Variants in EPHA3 observed in about 807,000 individuals in gnomAD.
EPHA3 encodes EPH receptor A3.
A neutral mutation model predicts 107.1 loss-of-function variants in EPHA3; 42 were observed. That is an observed-to-expected ratio of 0.39 (90% CI 0.31 to 0.51). EPHA3 has a LOEUF of 0.51. EPHA3 is among the 20% of genes least tolerant of loss of function. The pLI, the probability that EPHA3 is intolerant of heterozygous loss-of-function variation, is 0.78. For missense variants in EPHA3, 1,183 were observed against 1,211.2 expected (o/e 0.98, Z 0.35); for synonymous variants, 461 against 424.8 (o/e 1.09, Z -1.05).
intron 3 of EPHA3, among the ~76,000 whole-genome samples, chr3:89,242,388 C>T (rs757220973): frequency 6.6e-6 from 1 of 152,106 alleles, no homozygotes; most frequent in Non-Finnish European, 1.5e-5. Flanking sequence ...TGCACTGCAA[C>T]ATAATGTTTT....
Position 89,415,714 on chromosome 3 carries a change from T to C in EPHA3, c.1888+2448T>C, listed in dbSNP as rs1186965924. On this transcript the variant is annotated intron_variant, in intron 10 of 16. Coordinates refer to ENST00000336596, the MANE Select transcript of EPHA3 (RefSeq NM_005233.6). ...CTCAATCCAACCATTCTTTCAACGATTGAATACTAAAAATTTCTGAAGAAA... is the reference window on the plus strand; with the variant it reads ...CTCAATCCAACCATTCTTTCAACGACTGAATACTAAAAATTTCTGAAGAAA... Among the ~76,000 whole-genome samples the C allele has an allele frequency of 2.6e-5, 4 of 151,230 alleles. No homozygotes were observed. The East Asian group carries it at 5.8e-4, about 22-fold the overall frequency.
chr3:89,120,166 T>A (rs1353201610), intron 1 of EPHA3, among the ~76,000 whole-genome samples: 2 of 152,224 alleles, frequency 1.3e-5, no homozygotes, highest in Non-Finnish European at 2.9e-5. Context: ...TTGAGTAATA[T>A]GTTTTCATTT....
intron 15 of EPHA3, 60 bp downstream of exon 15, chr3:89,450,430 G>T (rs2107555733): frequency 6.5e-7 from 1 of 1,538,326 alleles, no homozygotes; most frequent in Non-Finnish European, 8.8e-7. Flanking sequence ...CTATCTCCAA[G>T]ATGTTAATTT....
chr3:89,320,466 G>A (rs1175392911), intron 3 of EPHA3, among the ~76,000 whole-genome samples: 1 of 151,948 alleles, frequency 6.6e-6, no homozygotes, highest in African/African-American at 2.4e-5. Context: ...TTCGCTTTAG[G>A]GGAAACATAT....
chr3:89,426,885 C>G (rs1209731913), intron 11 of EPHA3, among the ~76,000 whole-genome samples: 1 of 151,828 alleles, frequency 6.6e-6, no homozygotes, highest in Non-Finnish European at 1.5e-5. Context: ...TTCATTCATT[C>G]ATTTATTCAT....
chr3:89,353,746 G>A (rs1707883990), intron 5 of EPHA3, among the ~76,000 whole-genome samples: 3 of 151,194 alleles, frequency 2.0e-5, no homozygotes, highest in Admixed American at 1.3e-4. Context: ...TGTAGCAAAA[G>A]CAAAAACCAT....
At chr3:89,476,617 A>ATTTATTTTTTTT (rs1553697737) in intron 16 of EPHA3, among the ~76,000 whole-genome samples, 1 of 145,474 alleles carries the variant, frequency 6.9e-6, no homozygotes, top group Non-Finnish European at 1.5e-5. Flanking sequence ...TTATTTATTT[A>ATTTATTTTTTTT]ATTTTTTTGA....
intron 7 of EPHA3, among the ~76,000 whole-genome samples, chr3:89,406,323 GA>G (rs1709053747): frequency 6.6e-6 from 1 of 152,142 alleles, no homozygotes; most frequent in South Asian, 2.1e-4. Context: ...GACTGAATCT[GA>G]AACTGCTTTT....
chr3:89,479,112 C>T (rs1280844512), intron 16 of EPHA3, among the ~76,000 whole-genome samples: 2 of 151,968 alleles, frequency 1.3e-5, no homozygotes, highest in Non-Finnish European at 2.9e-5. Flanking sequence ...TTTTCCCAAT[C>T]GGTGTATTAA....
At chr3:89,196,728 T>C (rs1168513245) in intron 2 of EPHA3, among the ~76,000 whole-genome samples, 1 of 152,126 alleles carries the variant, frequency 6.6e-6, no homozygotes, top group East Asian at 1.9e-4. Flanking sequence ...TCTACTTATG[T>C]TTAAATTTCT....
chr3:89,392,419 C>T (rs1313141544), intron 5 of EPHA3, among the ~76,000 whole-genome samples: 1 of 150,424 alleles, frequency 6.6e-6, no homozygotes, highest in Non-Finnish European at 1.5e-5. Flanking sequence ...GCCTGGACAA[C>T]AAGAGTGAAA....
At chr3:89,353,593 C>A (rs767723602) in intron 5 of EPHA3, among the ~76,000 whole-genome samples, 4 of 151,284 alleles carry the variant, frequency 2.6e-5, no homozygotes, top group Non-Finnish European at 4.4e-5. Context: ...AGGCAGATAC[C>A]TGTGCATCTG....
chr3:89,138,103 G>A (rs1402461642), intron 2 of EPHA3, among the ~76,000 whole-genome samples: 1 of 151,698 alleles, frequency 6.6e-6, no homozygotes, highest in Admixed American at 6.6e-5. Flanking sequence ...CTTGATTCAG[G>A]GCTGTAGTTC....
intron 5 of EPHA3, among the ~76,000 whole-genome samples, chr3:89,348,246 G>C (rs1707720725): frequency 1.5e-5 from 2 of 131,392 alleles, no homozygotes; most frequent in South Asian, 2.6e-4. Flanking sequence ...ATCTGGTCCT[G>C]GACTCTTTTT....
intron 3 of EPHA3, among the ~76,000 whole-genome samples, chr3:89,269,499 C>T (rs1705614118): frequency 6.6e-6 from 1 of 151,954 alleles, no homozygotes; most frequent in African/African-American, 2.4e-5. Flanking sequence ...TGGTCTCAAA[C>T]TCCTGGCTTT....
intron 10 of EPHA3, among the ~76,000 whole-genome samples, chr3:89,417,781 C>G (rs1409136793): frequency 6.6e-6 from 1 of 151,396 alleles, no homozygotes; most frequent in Admixed American, 6.6e-5. Context: ...TTATATCTAT[C>G]TCTGTGTGTT....
At chr3:89,258,242 G>A (rs778270014) in intron 3 of EPHA3, among the ~76,000 whole-genome samples, 3 of 152,306 alleles carry the variant, frequency 2.0e-5, no homozygotes, top group Non-Finnish European at 2.9e-5. Flanking sequence ...CCATGGGGGA[G>A]ACATGGAGCT....
At chr3:89,180,589 AG>A (rs1252283740) in intron 2 of EPHA3, among the ~76,000 whole-genome samples, 3 of 152,030 alleles carry the variant, frequency 2.0e-5, no homozygotes, top group African/African-American at 4.8e-5. Flanking sequence ...CAAAATGCAA[AG>A]TATAAGGGCA....
At chr3:89,327,540 C>T (rs1414500430) in intron 3 of EPHA3, among the ~76,000 whole-genome samples, 2 of 152,152 alleles carry the variant, frequency 1.3e-5, no homozygotes, top group Middle Eastern at 3.4e-3. Context: ...ACTGAGGGCA[C>T]GTTAGGTGTA....
Sources: allele counts gnomAD v4.1 joint callset (sites outside exome capture counted in the v4.1 genomes callset), GRCh38; gene constraint gnomAD v4.1.1; transcripts MANE v1.5; gene names NCBI Gene and HGNC (gene_info 2026-07-23, HGNC 2026-07-21).